Variants in CLSTN2 observed in about 807,000 individuals in gnomAD.
CLSTN2 encodes the protein calsyntenin-2.
Under a neutral mutation model 101.2 loss-of-function variants are expected in CLSTN2, and 48 were observed. The observed-to-expected ratio is 0.47, with a 90% confidence interval of 0.38 to 0.60. The LOEUF (loss-of-function observed/expected upper bound fraction) is 0.60. CLSTN2 is among the 20% of genes least tolerant of loss of function. CLSTN2 has a pLI of 0.00. For synonymous variants in CLSTN2, 481 were observed against 463.6 expected (o/e 1.04, Z -0.48); for missense variants, 1,160 against 1,238.2 (o/e 0.94, Z 0.95).
chr3:140,123,746 C>T (rs2107800477), intron 1 of CLSTN2, among the ~76,000 whole-genome samples: 1 of 152,064 alleles, frequency 6.6e-6, no homozygotes, highest in African/African-American at 2.4e-5. Context: ...TGCCTTCTTG[C>T]TGTGTCCTCA....
chr3:139,996,334 G>T (rs1328198837), intron 1 of CLSTN2, among the ~76,000 whole-genome samples: 1 of 152,014 alleles, frequency 6.6e-6, no homozygotes, highest in Admixed American at 6.6e-5. Flanking sequence ...TGGGTCTTTG[G>T]GTAGGTGGCT....
chr3:139,986,924 G>A (rs1220734343), intron 1 of CLSTN2, among the ~76,000 whole-genome samples: 1 of 152,086 alleles, frequency 6.6e-6, no homozygotes, highest in Non-Finnish European at 1.5e-5. Flanking sequence ...TGAAGGCTGG[G>A]TATCTATATG....
chr3:140,538,637 A>G (rs1406186535), intron 9 of CLSTN2, among the ~76,000 whole-genome samples: 1 of 152,212 alleles, frequency 6.6e-6, no homozygotes, highest in Non-Finnish European at 1.5e-5. Flanking sequence ...CTTGGAGTGC[A>G]TGCCTTCATT....
chr3:140,169,367 C>A (rs1333267771), intron 1 of CLSTN2, among the ~76,000 whole-genome samples: 1 of 151,948 alleles, frequency 6.6e-6, no homozygotes, highest in Non-Finnish European at 1.5e-5. Context: ...CTTATTAGTT[C>A]TAAGCATGTT....
At chr3:140,534,435 C>T (rs1467646933) in intron 9 of CLSTN2, among the ~76,000 whole-genome samples, 2 of 152,094 alleles carry the variant, frequency 1.3e-5, no homozygotes, top group Non-Finnish European at 2.9e-5. Context: ...GAAGTAGCCC[C>T]ACAAAATAAA....
rs138482816 is a variant in CLSTN2 at position 140,443,843 on chromosome 3, G to A, written c.788-4676G>A. On this transcript the variant is annotated intron_variant, in intron 5 of 16. Transcript: ENST00000458420. ...GAGGGGATATAATTTTCCCCAATCT[G>A]CAGATGAAGCAATGGAGGCTATAAG... Among the ~76,000 whole-genome samples the A allele has an allele frequency of 1.1e-3, 174 of 152,250 alleles. 1 individual carries two copies. The highest frequency in any genetic ancestry group is 3.4e-3 in the Middle Eastern group (1 of 294).
intron 8 of CLSTN2, among the ~76,000 whole-genome samples, chr3:140,523,702 A>G (rs190011053): frequency 2.7e-4 from 41 of 152,304 alleles, no homozygotes; most frequent in African/African-American, 8.4e-4. Context: ...TCAGAACATG[A>G]TTCCCTAGAA....
In CLSTN2 at chr3:140,571,473, A is replaced by G. The variant is rs1196276759; in HGVS notation, c.*5220A>G. ...AGTGAAAAGTAGATGATTTTTAGGT[A>G]AGATAACGTTTAGGCCTCTGGGGGA... is the stretch of plus-strand genomic sequence containing the variant. On this transcript the variant is annotated 3_prime_UTR_variant, in exon 17 of 17. Coordinates refer to ENST00000458420, the MANE Select transcript of CLSTN2 (RefSeq NM_022131.3). The G allele has an allele frequency of 1.3e-5, 2 of 152,252 alleles. No individual in the cohort carries two copies. The highest frequency in any genetic ancestry group is 2.9e-5 in the Non-Finnish European group (2 of 68,042). The allele number at this position is 152,252 out of a possible 1,614,324, so 9.4% of individuals were successfully genotyped here.
chr3:140,505,877 T>G (rs1934675771), intron 8 of CLSTN2: 2 of 152,242 alleles, frequency 1.3e-5, no homozygotes, highest in Admixed American at 1.3e-4. Flanking sequence ...GCAACCTATT[T>G]GTTTAATACA....
At chr3:140,134,002 G>A (rs1173034420) in intron 1 of CLSTN2, among the ~76,000 whole-genome samples, 1 of 152,116 alleles carries the variant, frequency 6.6e-6, no homozygotes, top group East Asian at 1.9e-4. Context: ...AGTCACATCT[G>A]GCTGCAGTTT....
At position 140,125,144 on chromosome 3, in the gene CLSTN2, G is replaced by C. The variant is rs1241680194; in HGVS notation, c.110-50807G>C. 3.9e-5 allele frequency among the ~76,000 whole-genome samples: 6 copies of C among 152,122 alleles called. 1 individual carries two copies. ...AGCCCAACTTTAGTGGGTTGAGGGAGGATAGGGGGAGAGGAAGTGATAACC... is the reference window on the plus strand; with the variant it reads ...AGCCCAACTTTAGTGGGTTGAGGGACGATAGGGGGAGAGGAAGTGATAACC... On this transcript the variant is annotated intron_variant, in intron 1 of 16. Transcript: ENST00000458420.
intron 4 of CLSTN2, among the ~76,000 whole-genome samples, chr3:140,407,872 G>A (rs1329659513): frequency 1.3e-5 from 2 of 152,168 alleles, no homozygotes; most frequent in Non-Finnish European, 2.9e-5. Flanking sequence ...TTAGCCCCAA[G>A]ACCTTTCCAT....
At chr3:139,951,437 T>C (rs1372061124) in intron 1 of CLSTN2, among the ~76,000 whole-genome samples, 1 of 152,174 alleles carries the variant, frequency 6.6e-6, no homozygotes, top group African/African-American at 2.4e-5. Context: ...GGAAGACCAC[T>C]TGGGGAGCCC....
At chr3:140,136,955 C>G (rs1158538123) in intron 1 of CLSTN2, among the ~76,000 whole-genome samples, 3 of 152,188 alleles carry the variant, frequency 2.0e-5, no homozygotes, top group African/African-American at 7.2e-5. Flanking sequence ...ATGGCTATAA[C>G]ATGTGGGACT....
chr3:140,110,903 C>G (rs76100998), intron 1 of CLSTN2, among the ~76,000 whole-genome samples: 6,046 of 152,278 alleles, frequency 0.04, 168 homozygotes, highest in Non-Finnish European at 0.06. Context: ...GGAAGAAAAT[C>G]AGGCCACTTT....
intron 2 of CLSTN2, among the ~76,000 whole-genome samples, chr3:140,207,847 C>T (rs1468277041): frequency 6.6e-6 from 1 of 152,070 alleles, no homozygotes; most frequent in Non-Finnish European, 1.5e-5. Context: ...TGCTGTTTTG[C>T]CAGTTTGACA....
chr3:140,565,987 C>T (rs1332374137), intron 16 of CLSTN2, 66 bp from the exon 17 acceptor site: 19 of 1,599,260 alleles, frequency 1.2e-5, no homozygotes, highest in African/African-American at 4.0e-5. Context: ...GATGGAGAGA[C>T]ATAAGCTCCA....
intron 2 of CLSTN2, among the ~76,000 whole-genome samples, chr3:140,264,380 AT>A (rs2086677578): frequency 1.7e-4 from 1 of 6,046 alleles, no homozygotes; most frequent in Non-Finnish European, 3.8e-4. Flanking sequence ...AATCAAATAT[AT>A]ATATATATAT....
chr3:140,340,891 G>C (rs1007357761), intron 2 of CLSTN2, among the ~76,000 whole-genome samples: 1 of 152,140 alleles, frequency 6.6e-6, no homozygotes, highest in African/African-American at 2.4e-5. Context: ...CAGGTATTTC[G>C]AAGAATGCCC....
Sources: allele counts gnomAD v4.1 joint callset (sites outside exome capture counted in the v4.1 genomes callset), GRCh38; gene constraint gnomAD v4.1.1; transcripts MANE v1.5; gene names NCBI Gene and HGNC (gene_info 2026-07-23, HGNC 2026-07-21).